The following CEP104 variants were observed in gnomAD, a reference collection of about 807,000 sequenced individuals.
CEP104 encodes centrosomal protein of 104 kDa.
In CEP104, 84 loss-of-function variants were observed where a neutral mutation model predicts 113.3. The ratio of observed to expected loss-of-function variants is 0.74; its 90% confidence interval spans 0.62 to 0.89. CEP104 has a LOEUF of 0.89. CEP104 is among the 40% of genes least tolerant of loss of function. The probability of loss-of-function intolerance (pLI) is 0.00; values close to 1 mark genes in which losing one functional copy is unlikely to be tolerated. For synonymous variants in CEP104, 378 were observed against 421.7 expected, an observed-to-expected ratio of 0.90 and a Z score of 1.27; for missense variants, 1,053 against 1,156.6, an observed-to-expected ratio of 0.91 and a Z score of 1.30.
rs1192716037 is a variant in CEP104, at chr1:3,832,453, TGTA to T, written c.1660-1234_1660-1232del. Among the ~76,000 whole-genome samples the T allele has an allele frequency of 4.2e-4, 56 of 132,616 alleles. 3 individuals are homozygous for T. The highest frequency in any genetic ancestry group is 3.5e-3 in the Admixed American group (45 of 12,928). The allele number at this position is 132,616 out of a possible 152,430, so 87.0% of individuals were successfully genotyped here. A position where few individuals can be genotyped will look rare whatever the true frequency, so the allele number is the denominator to read the frequency against. On this transcript the variant is annotated intron_variant, in intron 12 of 21. Transcript: ENST00000378230. ...GTGTAGCGTAGGTCGTGACCAGGAG[TGTA>T]GCGTAGGTCGTGACCAGGAGTGTAG... is the stretch of plus-strand genomic sequence containing the variant.
rs1643810828 is a variant in CEP104, at chr1:3,812,383, T to A, written c.*3019A>T. On this transcript the variant is annotated 3_prime_UTR_variant, in exon 22 of 22. Transcript: ENST00000378230. ...TTCAGAACATACTCATGAGTGAAAATTCAATTAATTAGTATTCCTAATTTA... is the reference window on the plus strand; with the variant it reads ...TTCAGAACATACTCATGAGTGAAAAATCAATTAATTAGTATTCCTAATTTA... The A allele has an allele frequency of 6.6e-6, 1 of 152,076 alleles. No homozygotes were observed. The highest frequency in any genetic ancestry group is 1.9e-4 in the East Asian group (1 of 5,198). 9.4% of individuals were successfully genotyped at this position (152,076 alleles called of 1,614,324 possible).
chr1:3,846,086 C>CA (rs5772127), intron 4 of CEP104, among the ~76,000 whole-genome samples: 20,739 of 92,892 alleles, frequency 0.22, 2,592 homozygotes, highest in African/African-American at 0.31. Flanking sequence ...AACTCCGTCT[C>CA]AAAAAAAAAA....
intron 4 of CEP104, among the ~76,000 whole-genome samples, chr1:3,846,711 T>A (rs1303977877): frequency 6.6e-6 from 1 of 152,200 alleles, no homozygotes; most frequent in African/African-American, 2.4e-5. Context: ...GCAGCTTAAT[T>A]GGACCTTTGC....
chr1:3,836,817 T>C, intron 9 of CEP104, 125 bp from the exon 10 acceptor site: 1 of 714,730 alleles, frequency 1.4e-6, no homozygotes, highest in Non-Finnish European at 2.3e-6. Flanking sequence ...TTTTGCTAAA[T>C]ATCAGTATCA....
intron 20 of CEP104, among the ~76,000 whole-genome samples, chr1:3,818,899 T>C (rs1305111847): frequency 2.0e-5 from 3 of 152,184 alleles, no homozygotes; most frequent in Non-Finnish European, 4.4e-5. Flanking sequence ...GGCTTAAGCT[T>C]TCTGTGTCCT....
At position 3,815,068 on chromosome 1, in the gene CEP104, G is replaced by A. The variant is rs539948583; in HGVS notation, c.*334C>T. On this transcript the variant is annotated 3_prime_UTR_variant, in exon 22 of 22. Coordinates refer to ENST00000378230, the MANE Select transcript of CEP104 (RefSeq NM_014704.4). ...AAGCGGGACCGTGCCTGTGCTGACC[G>A]TGGCCTTGCGCGAGCGCCTCCCGGC... The A allele has an allele frequency of 1.0e-4, 27 of 266,800 alleles. 1 individual carries two copies. The South Asian group carries it at 1.1e-3, about 11-fold the overall frequency. The allele number at this position is 266,800 out of a possible 1,614,324, so 16.5% of individuals were successfully genotyped here. A position where few individuals can be genotyped will look rare whatever the true frequency, so the allele number is the denominator to read the frequency against.
In CEP104 at chr1:3,833,820, G is replaced by A. The variant is rs757765858; in HGVS notation, c.1659+42C>T. On this transcript the variant is annotated intron_variant, in intron 12 of 21. Coordinates refer to ENST00000378230, the MANE Select transcript of CEP104 (RefSeq NM_014704.4). ...GAAAGCCAGAGAGCTACAGGAATAT[G>A]TTTATCATCTACGGTTTCAAATGCC... 1.7e-5 allele frequency: 27 copies of A among 1,593,656 alleles called. No homozygotes were observed. In the East Asian group the frequency reaches 5.8e-4, roughly 34 times the overall value.
intron 1 of CEP104, among the ~76,000 whole-genome samples, chr1:3,856,513 G>A (rs1391805912): frequency 6.6e-6 from 1 of 152,242 alleles, no homozygotes; most frequent in African/African-American, 2.4e-5. Flanking sequence ...AATCTCTATA[G>A]GGACAGAGCA....
rs116191502 is a variant in CEP104 at position 3,834,652 on chromosome 1, C to T, written c.1485+273G>A. On this transcript the variant is annotated intron_variant, in intron 11 of 21. Coordinates refer to ENST00000378230, the MANE Select transcript of CEP104 (RefSeq NM_014704.4). Reference sequence around the variant, plus strand: ...TAGCATTGAACTAGGCCTCTACAAACGCCTGGCTTTGCAGACCATGGAAAA... The same window carrying T: ...TAGCATTGAACTAGGCCTCTACAAATGCCTGGCTTTGCAGACCATGGAAAA... 0.01 allele frequency among the ~76,000 whole-genome samples: 1,558 copies of T among 152,334 alleles called. 24 individuals are homozygous for T. The highest frequency in any genetic ancestry group is 0.036 in the African/African-American group (1,498 of 41,572).
chr1:3,833,531 A>T, intron 12 of CEP104: 1 of 220,256 alleles, frequency 4.5e-6, no homozygotes, highest in South Asian at 1.1e-4. Context: ...AAGAATGAAA[A>T]TATTTCTATT....
In CEP104 at chr1:3,815,307, A is replaced by G; in HGVS notation, c.*95T>C. On this transcript the variant is annotated 3_prime_UTR_variant, in exon 22 of 22. Coordinates refer to ENST00000378230, the MANE Select transcript of CEP104 (RefSeq NM_014704.4). Reference sequence around the variant, plus strand: ...GGGAGCTGGGGACAGCAGCCAGAGCATGGGGCCACCAAGGCCAGAGAGTTC... The same window carrying G: ...GGGAGCTGGGGACAGCAGCCAGAGCGTGGGGCCACCAAGGCCAGAGAGTTC... 1.1e-6 allele frequency: 1 copy of G among 928,562 alleles called. No individual in the cohort carries two copies. 57.5% of individuals were successfully genotyped at this position (928,562 alleles called of 1,614,324 possible).
intron 12 of CEP104, among the ~76,000 whole-genome samples, chr1:3,832,569 T>C (rs893454508): frequency 8.0e-6 from 1 of 124,364 alleles, no homozygotes; most frequent in African/African-American, 3.4e-5. Flanking sequence ...CACATTAGCA[T>C]GACAGCATTT....
rs1045004741 is a variant in CEP104, at chr1:3,815,233, C to A, written c.*169G>T. The stretch of plus-strand genomic sequence containing the variant: ...GATCTTTGGTTAGCTGCATCCATAT[C>A]GTTTGCACGAGAGCTGACGGCACAG... On this transcript the variant is annotated 3_prime_UTR_variant, in exon 22 of 22. Transcript: ENST00000378230. 1.7e-6 allele frequency: 1 copy of A among 605,724 alleles called. No homozygotes were observed. The allele number at this position is 605,724 out of a possible 1,614,324, so 37.5% of individuals were successfully genotyped here.
intron 12 of CEP104, 148 bp from the exon 13 acceptor site, chr1:3,831,370 C>T (rs554639676): frequency 2.2e-5 from 13 of 585,258 alleles, no homozygotes; most frequent in South Asian, 1.2e-4. Flanking sequence ...AGCACTGATC[C>T]GTAAGCTTGT....
chr1:3,845,742 G>T (rs901032092), intron 4 of CEP104, among the ~76,000 whole-genome samples: 1 of 152,062 alleles, frequency 6.6e-6, no homozygotes, highest in African/African-American at 2.4e-5. Flanking sequence ...AATTAACAAA[G>T]AATTTTAAAT....
chr1:3,846,363 G>C (rs1325480220), intron 4 of CEP104, among the ~76,000 whole-genome samples: 1 of 152,150 alleles, frequency 6.6e-6, no homozygotes, highest in Non-Finnish European at 1.5e-5. Context: ...AGGCACATTT[G>C]GGGCAGGAGG....
intron 6 of CEP104, among the ~76,000 whole-genome samples, chr1:3,842,092 ATTTTTATTTTTT>A (rs1357736921): frequency 1.0e-5 from 1 of 97,178 alleles, no homozygotes; most frequent in Non-Finnish European, 2.6e-5. Flanking sequence ...TTATTTTTTT[ATTTTTATTTTTT>A]GAGACGGAGT....
intron 3 of CEP104, among the ~76,000 whole-genome samples, chr1:3,848,034 C>T (rs1219455060): frequency 6.6e-6 from 1 of 152,146 alleles, no homozygotes; most frequent in African/African-American, 2.4e-5. Flanking sequence ...ACGGTTTCAC[C>T]ATGTTGGCCA....
At chr1:3,817,274 G>A (rs536988614) in intron 20 of CEP104, among the ~76,000 whole-genome samples, 32 of 152,216 alleles carry the variant, frequency 2.1e-4, no homozygotes, top group African/African-American at 7.0e-4. Context: ...CGTGAGAGGC[G>A]GAGGTTGCAG....
Sources: gnomAD v4.1 joint callset for allele counts (sites outside exome capture counted in the v4.1 genomes callset) on GRCh38, gnomAD v4.1.1 for gene constraint, MANE v1.5 for transcripts, NCBI Gene and HGNC (gene_info 2026-07-23, HGNC 2026-07-21) for gene names.